Variants in CBLB observed in about 807,000 individuals in gnomAD.
The protein encoded by CBLB is E3 ubiquitin-protein ligase CBL-B.
CBLB carries 31 observed loss-of-function variants against 104.9 expected under a neutral mutation model. The ratio of observed to expected loss-of-function variants is 0.30; its 90% CI spans 0.22 to 0.40. CBLB has a LOEUF of 0.40. Ranked by LOEUF, CBLB falls within the 10% of genes least tolerant of loss-of-function variation. The probability of loss-of-function intolerance (pLI) is 1.00; values close to 1 mark genes in which losing one functional copy is unlikely to be tolerated. For missense variants in CBLB, 1,062 were observed against 1,214.6 expected (o/e 0.87, Z 1.87); for synonymous variants, 440 against 422.6 (o/e 1.04, Z -0.51).
intron 10 of CBLB, among the ~76,000 whole-genome samples, chr3:105,705,762 A>G (rs1337919030): frequency 6.6e-6 from 1 of 152,154 alleles, no homozygotes; most frequent in Non-Finnish European, 1.5e-5. Context: ...TTCCCATAGT[A>G]TACTCTTTGC....
At chr3:105,684,988 A>T (rs2152737257) in intron 14 of CBLB, among the ~76,000 whole-genome samples, 1 of 152,362 alleles carries the variant, frequency 6.6e-6, no homozygotes, top group Admixed American at 6.5e-5. Flanking sequence ...GTACATCAAG[A>T]AGGAAAATGA....
intron 10 of CBLB, among the ~76,000 whole-genome samples, chr3:105,705,660 A>G (rs1182395169): frequency 6.6e-6 from 1 of 152,198 alleles, no homozygotes; most frequent in African/African-American, 2.4e-5. Context: ...TGCTATCAAC[A>G]TGATTCATCA....
intron 18 of CBLB, among the ~76,000 whole-genome samples, chr3:105,661,998 C>T (rs1381362942): frequency 2.0e-5 from 3 of 152,074 alleles, no homozygotes; most frequent in Non-Finnish European, 2.9e-5. Flanking sequence ...GAACAAAGAA[C>T]ACAAAATTTG....
At chr3:105,769,615 C>T (rs3772514) in intron 4 of CBLB, among the ~76,000 whole-genome samples, 144 of 151,960 alleles carry the variant, frequency 9.5e-4, no homozygotes, top group Non-Finnish European at 1.6e-3. Context: ...ATGCAACATA[C>T]GAAAACAAAG....
At chr3:105,859,144 A>C (rs558004915) in intron 2 of CBLB, among the ~76,000 whole-genome samples, 1 of 152,336 alleles carries the variant, frequency 6.6e-6, no homozygotes, top group South Asian at 2.1e-4. Flanking sequence ...AATGTATTAG[A>C]TCAGATAGTA....
chr3:105,693,698 TA>T, intron 12 of CBLB, 110 bp from the exon 13 acceptor site: 1 of 742,016 alleles, frequency 1.3e-6, no homozygotes, highest in Non-Finnish European at 2.4e-6. Context: ...TATATTTAAA[TA>T]AGTGAAATGT....
At position 105,722,930 on chromosome 3, in the gene CBLB, A is replaced by T. The variant is rs903066692; in HGVS notation, c.1204-2680T>A. 5.3e-5 allele frequency among the ~76,000 whole-genome samples: 8 copies of T among 152,220 alleles called. 1 individual carries two copies. Among genetic ancestry groups the T allele is most frequent in the Admixed American group, 3.9e-4 (6 of 15,280 alleles). On this transcript the variant is annotated intron_variant, in intron 9 of 18. Transcript: ENST00000394030. ...ACTGATGTTGTTAAGAGTGCCTGTT[A>T]TAAGAGTAGATATCACAAAATACAT...
chr3:105,772,265 T>G (rs772181174), intron 4 of CBLB, among the ~76,000 whole-genome samples: 1 of 152,150 alleles, frequency 6.6e-6, no homozygotes, highest in African/African-American at 2.4e-5. Flanking sequence ...AAACATAAAT[T>G]TGGAAAAGGA....
intron 3 of CBLB, among the ~76,000 whole-genome samples, chr3:105,845,554 TA>T (rs537923940): frequency 8.3e-4 from 120 of 144,404 alleles, no homozygotes; most frequent in Non-Finnish European, 1.0e-3. Flanking sequence ...AAACTGCTAT[TA>T]AAAAAAAAAA....
intron 18 of CBLB, among the ~76,000 whole-genome samples, chr3:105,667,126 C>A (rs2064556275): frequency 6.6e-6 from 1 of 152,012 alleles, no homozygotes; most frequent in Non-Finnish European, 1.5e-5. Flanking sequence ...ATGAGATCTC[C>A]TTTATTTTAT....
At chr3:105,787,411 G>A (rs1431106586) in intron 3 of CBLB, among the ~76,000 whole-genome samples, 2 of 152,148 alleles carry the variant, frequency 1.3e-5, no homozygotes, top group Admixed American at 6.5e-5. Flanking sequence ...ATGAACAAGA[G>A]TGAAAGCTTC....
chr3:105,754,130 G>A (rs960083069), intron 4 of CBLB, among the ~76,000 whole-genome samples: 3 of 152,056 alleles, frequency 2.0e-5, no homozygotes, highest in Non-Finnish European at 4.4e-5. Flanking sequence ...TTGTGTAGGA[G>A]GTGGGGCTGG....
chr3:105,670,190 T>A, intron 18 of CBLB, 43 bp downstream of exon 18: 1 of 1,567,658 alleles, frequency 6.4e-7, no homozygotes, highest in Non-Finnish European at 8.8e-7. Flanking sequence ...AAAAGCACTA[T>A]ATAACAATAA....
rs184039658 is a variant in CBLB at position 105,800,535 on chromosome 3, T to G, written c.420-23993A>C. ...ATGATTTCTGATGCATCACCATGACTGAGACTCACTGTCAAGACACGTGTT... is the reference window on the plus strand; with the variant it reads ...ATGATTTCTGATGCATCACCATGACGGAGACTCACTGTCAAGACACGTGTT... On this transcript the variant is annotated intron_variant, in intron 3 of 18. Transcript: ENST00000394030. Among the ~76,000 whole-genome samples, 53 of 152,258 alleles carry G rather than the reference T, an allele frequency of 3.5e-4. 1 individual carries two copies. The highest frequency in any genetic ancestry group is 3.4e-3 in the Middle Eastern group (1 of 294).
At chr3:105,676,236 G>T (rs1290995807) in intron 17 of CBLB, among the ~76,000 whole-genome samples, 2 of 152,012 alleles carry the variant, frequency 1.3e-5, no homozygotes, top group Non-Finnish European at 2.9e-5. Context: ...TTGCATTTTA[G>T]CTAATAAGAG....
intron 4 of CBLB, among the ~76,000 whole-genome samples, chr3:105,755,661 T>C (rs1410732082): frequency 6.6e-6 from 1 of 152,202 alleles, no homozygotes; most frequent in Non-Finnish European, 1.5e-5. Flanking sequence ...AACTTCTGTA[T>C]ACTACTGGTG....
intron 13 of CBLB, among the ~76,000 whole-genome samples, chr3:105,689,726 T>TAA (rs1314664023): frequency 6.6e-6 from 1 of 151,752 alleles, no homozygotes; most frequent in Non-Finnish European, 1.5e-5. Flanking sequence ...ATAAATAATT[T>TAA]AAACTATAAA....
At chr3:105,836,259 C>A (rs1295944264) in intron 3 of CBLB, among the ~76,000 whole-genome samples, 2 of 152,196 alleles carry the variant, frequency 1.3e-5, no homozygotes, top group African/African-American at 4.8e-5. Context: ...TCAATGAAGT[C>A]CAGCAGCCCC....
intron 9 of CBLB, among the ~76,000 whole-genome samples, chr3:105,728,433 A>G (rs907543068): frequency 6.6e-6 from 1 of 152,222 alleles, no homozygotes; most frequent in Non-Finnish European, 1.5e-5. Flanking sequence ...TTCAAGGAGA[A>G]CTACAAATCA....
Sources: allele counts gnomAD v4.1 joint callset (sites outside exome capture counted in the v4.1 genomes callset), GRCh38; gene constraint gnomAD v4.1.1; transcripts MANE v1.5; gene names NCBI Gene and HGNC (gene_info 2026-07-23, HGNC 2026-07-21).